ABLIM1: variants seen among roughly 807,000 people sequenced by gnomAD.
The protein encoded by ABLIM1 is actin binding LIM protein 1, also known as actin-binding LIM protein 1.
ABLIM1 carries 40 observed loss-of-function variants against 107.0 expected under a neutral mutation model. That is an observed-to-expected ratio of 0.37 (90% CI 0.29 to 0.49). The LOEUF (loss-of-function observed/expected upper bound fraction) is 0.49. ABLIM1 is among the 20% of genes least tolerant of loss of function. The probability of loss-of-function intolerance (pLI) is 0.97; values close to 1 mark genes in which losing one functional copy is unlikely to be tolerated. For synonymous variants in ABLIM1, 357 were observed against 357.3 expected (o/e 1.00, Z 0.01); for missense variants, 857 against 1,008.5 (o/e 0.85, Z 2.04).
chr10:114,450,222 A>C (rs2139581955), intron 14 of ABLIM1: 1 of 208,464 alleles, frequency 4.8e-6, no homozygotes, highest in Admixed American at 6.1e-5. Flanking sequence ...AAAAAAAAAA[A>C]AACAAAAACA....
rs1188623785 is a variant in ABLIM1 at position 114,510,918 on chromosome 10, T to C, written c.895-19040A>G. On this transcript the variant is annotated intron_variant, in intron 6 of 22. Coordinates refer to ENST00000533213, the MANE Select transcript of ABLIM1 (RefSeq NM_002313.7). ...CACCCGCCTCAGTCTCCCAAAGTGC[T>C]GGGATTACAGGCCTGAGCCATTGTG... Among the ~76,000 whole-genome samples, 3 of 152,024 alleles carry C rather than the reference T, an allele frequency of 2.0e-5. No homozygotes were observed. The East Asian group carries it at 5.8e-4, about 29-fold the overall frequency.
At chr10:114,607,356 G>A (rs13328786) in intron 1 of ABLIM1, among the ~76,000 whole-genome samples, 11,988 of 152,188 alleles carry the variant, frequency 0.079, 1,548 homozygotes, top group African/African-American at 0.27. Context: ...CACCGCGCCC[G>A]GCCTCTGGCG....
At chr10:114,486,976 C>T (rs2058287058) in intron 8 of ABLIM1, among the ~76,000 whole-genome samples, 2 of 152,240 alleles carry the variant, frequency 1.3e-5, no homozygotes, top group Middle Eastern at 3.4e-3. Context: ...GGGCGGCAGG[C>T]AAAGGGATCT....
intron 4 of ABLIM1, among the ~76,000 whole-genome samples, chr10:114,549,727 G>A (rs968454189): frequency 2.6e-5 from 4 of 152,098 alleles, no homozygotes; most frequent in Non-Finnish European, 5.9e-5. Context: ...CATCAGTGAA[G>A]GGCCAGTTAA....
upstream of ABLIM1, chr10:114,685,134 G>A (rs1185321880): frequency 2.0e-5 from 3 of 152,048 alleles, no homozygotes; most frequent in East Asian, 5.8e-4. Flanking sequence ...ATGTTGGGCT[G>A]GATTATCCAC....
intron 6 of ABLIM1, among the ~76,000 whole-genome samples, chr10:114,515,081 G>T (rs918640457): frequency 6.6e-6 from 1 of 152,194 alleles, no homozygotes; most frequent in African/African-American, 2.4e-5. Flanking sequence ...GAAGGAGCGC[G>T]TGCATAAAAT....
At chr10:114,695,745 T>G (rs2081181529) in intron 1 of ABLIM1, among the ~76,000 whole-genome samples, 1 of 152,198 alleles carries the variant, frequency 6.6e-6, no homozygotes. Context: ...GCCATGGCAT[T>G]TTATTTCTGT....
intron 1 of ABLIM1, among the ~76,000 whole-genome samples, chr10:114,612,302 TCA>T (rs1181417539): frequency 6.6e-6 from 1 of 152,178 alleles, no homozygotes; most frequent in Non-Finnish European, 1.5e-5. Flanking sequence ...ATCCTCGCTC[TCA>T]CACCCTAGTT....
chr10:114,548,894 G>A (rs1001147284), intron 4 of ABLIM1, among the ~76,000 whole-genome samples: 1 of 152,148 alleles, frequency 6.6e-6, no homozygotes, highest in Non-Finnish European at 1.5e-5. Flanking sequence ...AGTCCACTTG[G>A]TACACAAAGT....
intron 2 of ABLIM1, among the ~76,000 whole-genome samples, chr10:114,591,778 G>A (rs553304444): frequency 7.9e-5 from 6 of 76,286 alleles, no homozygotes; most frequent in African/African-American, 2.8e-4. Flanking sequence ...TTCAAACTTT[G>A]GATTTTTTTT....
chr10:114,547,608 C>T lies in ABLIM1; in HGVS notation c.800+42G>A, dbSNP rs763472708. ...GGACCTGCAGAAGAACCACAACGCC[C>T]GGTGCCCACTGAAAGGAACGCGTGC... On this transcript the variant is annotated intron_variant, in intron 5 of 22. Transcript: ENST00000533213. 3.1e-6 allele frequency: 5 copies of T among 1,609,508 alleles called. No individual in the cohort carries two copies. In the South Asian group the frequency reaches 5.5e-5, roughly 18 times the overall value.
chr10:114,544,998 C>G lies in ABLIM1; in HGVS notation c.894+7G>C, dbSNP rs1350209655. 1 of 1,614,010 alleles carries G rather than the reference C, an allele frequency of 6.2e-7. No homozygotes were observed. The highest frequency in any genetic ancestry group is 1.7e-4 in the Middle Eastern group (1 of 6,056). On this transcript the variant is annotated splice_region_variant and intron_variant, in intron 6 of 22. Transcript: ENST00000533213. ...GGTAGCTATGAGGGAGCCGGTCTGC[C>G]ACTTACCTCCAGGACTTTCCCTGTG...
At chr10:114,659,106 T>C (rs1452749309), upstream of ABLIM1, among the ~76,000 whole-genome samples, 4 of 152,230 alleles carry the variant, frequency 2.6e-5, no homozygotes, top group Non-Finnish European at 4.4e-5. Context: ...GTCATTGGGC[T>C]ATTATGTTCT....
intron 1 of ABLIM1, among the ~76,000 whole-genome samples, chr10:114,620,743 T>C (rs1452580101): frequency 6.6e-6 from 1 of 152,120 alleles, no homozygotes; most frequent in African/African-American, 2.4e-5. Flanking sequence ...GAAAGTGAAA[T>C]CATTTGCCAA....
intron 1 of ABLIM1, among the ~76,000 whole-genome samples, chr10:114,745,871 A>G (rs2082373989): frequency 6.6e-6 from 1 of 152,190 alleles, no homozygotes; most frequent in East Asian, 1.9e-4. Context: ...CCAGAAATAC[A>G]ATGAAAACAT....
chr10:114,734,688 C>G (rs1229194207), intron 1 of ABLIM1, among the ~76,000 whole-genome samples: 1 of 152,134 alleles, frequency 6.6e-6, no homozygotes, highest in Non-Finnish European at 1.5e-5. Flanking sequence ...CATGACTTAT[C>G]CTGGCACCAA....
intron 4 of ABLIM1, among the ~76,000 whole-genome samples, chr10:114,571,068 T>A (rs2071603064): frequency 6.6e-6 from 1 of 152,196 alleles, no homozygotes; most frequent in Non-Finnish European, 1.5e-5. Flanking sequence ...CAGGTATAAG[T>A]TGGTATCTTA....
At chr10:114,744,049 T>C (rs2082336379) in intron 1 of ABLIM1, among the ~76,000 whole-genome samples, 1 of 152,068 alleles carries the variant, frequency 6.6e-6, no homozygotes, top group Non-Finnish European at 1.5e-5. Flanking sequence ...TGGGAGACCA[T>C]GAGATGTGGC....
intron 19 of ABLIM1, among the ~76,000 whole-genome samples, chr10:114,440,417 G>T (rs186403094): frequency 2.0e-5 from 3 of 151,806 alleles, no homozygotes; most frequent in Non-Finnish European, 4.4e-5. Context: ...GAGGGCAGGG[G>T]CCATGTCTCA....
Sources: gnomAD v4.1 joint callset for allele counts (sites outside exome capture counted in the v4.1 genomes callset) on GRCh38, gnomAD v4.1.1 for gene constraint, MANE v1.5 for transcripts, NCBI Gene and HGNC (gene_info 2026-07-23, HGNC 2026-07-21) for gene names.